Variants in CADM1 observed in about 807,000 individuals in gnomAD.
CADM1 encodes the protein cell adhesion molecule 1, also known as TSLC-1.
CADM1 carries 15 observed loss-of-function variants against 53.1 expected under a neutral mutation model. That is an observed-to-expected ratio of 0.28 (90% CI 0.19 to 0.44). CADM1 has a LOEUF of 0.44. CADM1 is among the 20% of genes least tolerant of loss of function. The pLI is 1.00. For synonymous variants in CADM1, 281 were observed against 243.0 expected (o/e 1.16, Z -1.45); for missense variants, 434 against 611.3 (o/e 0.71, Z 3.06).
intron 1 of CADM1, among the ~76,000 whole-genome samples, chr11:115,258,529 C>T (rs1400507928): frequency 1.3e-5 from 2 of 152,236 alleles, no homozygotes; most frequent in African/African-American, 4.8e-5. Flanking sequence ...CGACCTACTC[C>T]AGAACCCAGC....
chr11:115,209,649 T>TG lies in CADM1; in HGVS notation c.1002dup (p.Thr335HisfsTer51). The TG allele has an allele frequency of 7.4e-6, 12 of 1,612,382 alleles. No individual in the cohort carries two copies. The highest frequency in any genetic ancestry group is 9.3e-6 in the Non-Finnish European group (11 of 1,179,620). On this transcript the variant is annotated frameshift_variant, in exon 8 of 12. Transcript: ENST00000331581. LOFTEE classifies it high-confidence loss of function. Reference sequence around the variant, plus strand: ...GTTGTTGTGGGAGGAGGGATAGTTGTGGGGGGATCTGGATAGAAAAAAAAA... The same window carrying TG: ...GTTGTTGTGGGAGGAGGGATAGTTGTGGGGGGGATCTGGATAGAAAAAAAAA...
rs1245724633 is a variant in CADM1, at chr11:115,229,055, AAG to A, written c.721+56_721+57del. On this transcript the variant is annotated intron_variant, in intron 5 of 11. Coordinates refer to ENST00000331581, the MANE Select transcript of CADM1 (RefSeq NM_001301043.2). Reference sequence around the variant, plus strand: ...GAATGCATTGAATAAATGGCTTCTGAAGAGTTTCTATGTAACTGCAACTCTAC... The same window carrying A: ...GAATGCATTGAATAAATGGCTTCTGAAGTTTCTATGTAACTGCAACTCTAC... 17 of 1,535,258 alleles carry A rather than the reference AAG, an allele frequency of 1.1e-5. No homozygotes were observed. In the East Asian group the frequency reaches 3.4e-4, roughly 30 times the overall value.
At chr11:115,447,711 C>T (rs1041112594) in intron 1 of CADM1, among the ~76,000 whole-genome samples, 18 of 152,166 alleles carry the variant, frequency 1.2e-4, no homozygotes, top group African/African-American at 3.9e-4. Flanking sequence ...GGTAGCTTTG[C>T]TGGCACCCTC....
At chr11:115,285,861 C>T (rs778244300) in intron 1 of CADM1, among the ~76,000 whole-genome samples, 1 of 152,040 alleles carries the variant, frequency 6.6e-6, no homozygotes, top group Non-Finnish European at 1.5e-5. Flanking sequence ...CCCGGTGCCC[C>T]GCCAAGAGCC....
chr11:115,441,299 T>C (rs567425000), intron 1 of CADM1, among the ~76,000 whole-genome samples: 32 of 151,976 alleles, frequency 2.1e-4, no homozygotes, highest in Non-Finnish European at 3.8e-4. Flanking sequence ...CCAATGAAAA[T>C]GATGACTCAA....
chr11:115,222,223 T>C (rs542286140), intron 5 of CADM1, among the ~76,000 whole-genome samples: 3 of 152,272 alleles, frequency 2.0e-5, no homozygotes, highest in South Asian at 4.1e-4. Flanking sequence ...TGAGGAAGCA[T>C]TGACTGAAGA....
At chr11:115,341,952 A>G (rs906172051) in intron 1 of CADM1, among the ~76,000 whole-genome samples, 2 of 152,214 alleles carry the variant, frequency 1.3e-5, no homozygotes, top group Admixed American at 1.3e-4. Flanking sequence ...AAACTGGATC[A>G]GAATACAATT....
At chr11:115,256,472 C>T (rs903416735) in intron 1 of CADM1, among the ~76,000 whole-genome samples, 2 of 152,176 alleles carry the variant, frequency 1.3e-5, no homozygotes, top group Non-Finnish European at 1.5e-5. Context: ...CTGGAGTCAG[C>T]GTGCCTTGTG....
chr11:115,205,269 C>G (rs147785516), intron 8 of CADM1, among the ~76,000 whole-genome samples: 5 of 152,150 alleles, frequency 3.3e-5, no homozygotes, highest in African/African-American at 1.2e-4. Context: ...ACAACAGCCA[C>G]GCTAACTAGG....
chr11:115,296,135 AAGACAGGGTCTTACTACGT>A (rs1245707465), intron 1 of CADM1, among the ~76,000 whole-genome samples: 1 of 152,136 alleles, frequency 6.6e-6, no homozygotes, highest in East Asian at 1.9e-4. Flanking sequence ...TGGCCTTAGT[AAGACAGGGTCTTACTACGT>A]TGCCCAGGCT....
chr11:115,184,730 G>A (rs916331750), intron 10 of CADM1, among the ~76,000 whole-genome samples: 42 of 152,184 alleles, frequency 2.8e-4, no homozygotes, highest in African/African-American at 8.4e-4. Flanking sequence ...TTTCAAAGGA[G>A]CTATGTTAAG....
chr11:115,426,336 C>G (rs1947891131), intron 1 of CADM1, among the ~76,000 whole-genome samples: 1 of 152,064 alleles, frequency 6.6e-6, no homozygotes, highest in African/African-American at 2.4e-5. Context: ...GACTCTGACC[C>G]CCGGCCCCTT....
At chr11:115,282,396 A>T (rs1485750476) in intron 1 of CADM1, among the ~76,000 whole-genome samples, 3 of 152,158 alleles carry the variant, frequency 2.0e-5, no homozygotes, top group Admixed American at 2.0e-4. Flanking sequence ...GATGACCTAG[A>T]TACATGATTA....
chr11:115,354,169 G>T (rs139269897), intron 1 of CADM1, among the ~76,000 whole-genome samples: 1 of 152,258 alleles, frequency 6.6e-6, no homozygotes, highest in African/African-American at 2.4e-5. Context: ...TGAAGAAGGT[G>T]AACTGATTAA....
intron 1 of CADM1, among the ~76,000 whole-genome samples, chr11:115,430,099 C>T (rs1481878967): frequency 2.0e-5 from 3 of 151,860 alleles, no homozygotes; most frequent in Non-Finnish European, 4.4e-5. Context: ...TAAGGAACCC[C>T]GCAAATGAAA....
At chr11:115,281,059 T>C (rs867987073) in intron 1 of CADM1, among the ~76,000 whole-genome samples, 26 of 152,188 alleles carry the variant, frequency 1.7e-4, no homozygotes, top group African/African-American at 5.8e-4. Context: ...TATAAATGGA[T>C]TGAACTCCCG....
chr11:115,220,696 TAGA>T (rs989970753), intron 5 of CADM1, among the ~76,000 whole-genome samples: 1 of 150,502 alleles, frequency 6.6e-6, no homozygotes, highest in African/African-American at 2.5e-5. Flanking sequence ...TCAAATATTA[TAGA>T]AGGTCTATGT....
intron 1 of CADM1, among the ~76,000 whole-genome samples, chr11:115,476,049 C>T (rs1460908): frequency 0.03 from 4,585 of 152,136 alleles, 165 homozygotes; most frequent in East Asian, 0.16. Context: ...ATGTAACTTG[C>T]TCATAGTAAG....
At chr11:115,456,149 C>T (rs1459659777) in intron 1 of CADM1, among the ~76,000 whole-genome samples, 1 of 151,998 alleles carries the variant, frequency 6.6e-6, no homozygotes, top group Non-Finnish European at 1.5e-5. Flanking sequence ...CAAATGTGGG[C>T]CCTTAAAGAT....
Sources: gnomAD v4.1 joint callset for allele counts (sites outside exome capture counted in the v4.1 genomes callset) on GRCh38, gnomAD v4.1.1 for gene constraint, MANE v1.5 for transcripts, NCBI Gene and HGNC (gene_info 2026-07-23, HGNC 2026-07-21) for gene names.